Variants in CCDC102B observed in about 807,000 individuals in gnomAD.
The protein encoded by CCDC102B is coiled-coil domain containing 102B.
CCDC102B carries 75 observed loss-of-function variants against 57.4 expected under a neutral mutation model. That is an observed-to-expected ratio of 1.31 (90% CI 1.08 to 1.58). The LOEUF (loss-of-function observed/expected upper bound fraction) is 1.58. Ranked by LOEUF, CCDC102B falls within the 40% of genes most tolerant of loss-of-function variation. The pLI is 0.00. For missense variants in CCDC102B, 636 were observed against 582.6 expected, an observed-to-expected ratio of 1.09 and a Z score of -0.94; for synonymous variants, 206 against 201.9, an observed-to-expected ratio of 1.02 and a Z score of -0.17.
At chr18:68,804,905 A>G (rs962621675) in intron 1 of CCDC102B, among the ~76,000 whole-genome samples, 3 of 149,492 alleles carry the variant, frequency 2.0e-5, no homozygotes, top group Middle Eastern at 6.9e-3. Context: ...TAGCATGTGC[A>G]TTTGCTAATG....
intron 5 of CCDC102B, among the ~76,000 whole-genome samples, chr18:68,896,172 C>T (rs1049240920): frequency 3.9e-5 from 6 of 151,956 alleles, no homozygotes; most frequent in Non-Finnish European, 8.8e-5. Flanking sequence ...CTACTATTCA[C>T]TTCTACTTAC....
At chr18:69,036,908 C>A (rs556531647) in intron 7 of CCDC102B, among the ~76,000 whole-genome samples, 1 of 152,078 alleles carries the variant, frequency 6.6e-6, no homozygotes, top group African/African-American at 2.4e-5. Flanking sequence ...CAGTACACAT[C>A]CTCGATTGAA....
At chr18:68,803,235 G>T (rs75720362) in intron 1 of CCDC102B, among the ~76,000 whole-genome samples, 1 of 152,156 alleles carries the variant, frequency 6.6e-6, no homozygotes, top group African/African-American at 2.4e-5. Flanking sequence ...TGTCCATTTA[G>T]TAATAAATGT....
chr18:68,997,855 GT>G lies in CCDC102B; in HGVS notation c.1264-13071del, dbSNP rs908937255. ...TATCATTTATCATTTAATAATATGT[GT>G]TTTTTTTGGCATTTTCGCATTGCTG... On this transcript the variant is annotated intron_variant, in intron 6 of 7. Transcript: ENST00000360242. Among the ~76,000 whole-genome samples the G allele has an allele frequency of 4.7e-3, 448 of 94,454 alleles. 1 individual carries two copies. Among genetic ancestry groups the G allele is most frequent in the African/African-American group, 0.014 (414 of 30,576 alleles). 62.0% of individuals were successfully genotyped at this position (94,454 alleles called of 152,430 possible).
At chr18:68,998,583 C>A (rs1212903456) in intron 6 of CCDC102B, among the ~76,000 whole-genome samples, 3 of 21,856 alleles carry the variant, frequency 1.4e-4, no homozygotes, top group Non-Finnish European at 4.6e-4. Context: ...AGTCCGAGTA[C>A]CAAAACCCCC....
intron 2 of CCDC102B, among the ~76,000 whole-genome samples, chr18:68,736,598 A>G (rs1407719711): frequency 6.6e-6 from 1 of 152,126 alleles, no homozygotes; most frequent in Non-Finnish European, 1.5e-5. Context: ...TGTTTTCTTT[A>G]CATGTTTTTA....
intron 6 of CCDC102B, chr18:68,897,724 C>G: frequency 1.0e-6 from 1 of 979,628 alleles, no homozygotes; most frequent in Middle Eastern, 2.5e-4. Flanking sequence ...CTTATTAAAG[C>G]TTTGTCTCAG....
At chr18:68,775,861 C>A (rs185180172) in intron 2 of CCDC102B, among the ~76,000 whole-genome samples, 49 of 152,084 alleles carry the variant, frequency 3.2e-4, no homozygotes, top group African/African-American at 1.1e-3. Flanking sequence ...ACCATGTTGG[C>A]CAGGATGGTC....
intron 6 of CCDC102B, among the ~76,000 whole-genome samples, chr18:68,909,839 G>A (rs558026294): frequency 4.6e-4 from 70 of 152,236 alleles, no homozygotes; most frequent in African/African-American, 1.3e-3. Context: ...AAGTGCATCT[G>A]GACCTTAATA....
At chr18:68,857,174 T>A (rs1444252452) in intron 4 of CCDC102B, among the ~76,000 whole-genome samples, 2 of 50,032 alleles carry the variant, frequency 4.0e-5, no homozygotes, top group Non-Finnish European at 6.3e-5. Context: ...TTATATAATA[T>A]ATAAAAATAT....
At chr18:68,840,233 G>A (rs1330592539) in intron 3 of CCDC102B, among the ~76,000 whole-genome samples, 1 of 152,002 alleles carries the variant, frequency 6.6e-6, no homozygotes, top group African/African-American at 2.4e-5. Flanking sequence ...AGAAGGATAT[G>A]TATGCATATA....
rs368929816 is a variant in CCDC102B at position 68,911,327 on chromosome 18, C to T, written c.1263+13899C>T. Among the ~76,000 whole-genome samples, 235 of 152,180 alleles carry T rather than the reference C, an allele frequency of 1.5e-3. 1 individual carries two copies. Among genetic ancestry groups the T allele is most frequent in the Middle Eastern group, 6.8e-3 (2 of 294 alleles). On this transcript the variant is annotated intron_variant, in intron 6 of 7. Transcript: ENST00000360242. Reference sequence around the variant, plus strand: ...GAGGCTATTATCTTTAGCCAGCTAACGCAGGAACAGAAAACCAAATAAAGC... The same window carrying T: ...GAGGCTATTATCTTTAGCCAGCTAATGCAGGAACAGAAAACCAAATAAAGC...
chr18:68,848,842 T>G (rs2037991783), intron 4 of CCDC102B, among the ~76,000 whole-genome samples: 1 of 152,098 alleles, frequency 6.6e-6, no homozygotes. Flanking sequence ...ACTCTGATTC[T>G]TTCCATAATG....
rs2037754524 is a variant in CCDC102B at position 68,844,156 on chromosome 18, A to C, written c.828-2157A>C. ...AAGGAGGTAACTATTACTTTCTTTG[A>C]AAATTTTTGAATTTGAATTTATTTT... is the stretch of plus-strand genomic sequence containing the variant. On this transcript the variant is annotated intron_variant, in intron 3 of 7. Transcript: ENST00000360242. 3.3e-5 allele frequency among the ~76,000 whole-genome samples: 5 copies of C among 152,034 alleles called. No homozygotes were observed. The South Asian group carries it at 1.0e-3, about 32-fold the overall frequency.
At chr18:68,979,609 G>C (rs1164931526) in intron 6 of CCDC102B, among the ~76,000 whole-genome samples, 1 of 151,980 alleles carries the variant, frequency 6.6e-6, no homozygotes, top group African/African-American at 2.4e-5. Context: ...ATAAAGATAG[G>C]ATAAAATGCA....
intron 4 of CCDC102B, among the ~76,000 whole-genome samples, chr18:68,874,121 T>G (rs1362899546): frequency 6.6e-6 from 1 of 151,710 alleles, no homozygotes; most frequent in Non-Finnish European, 1.5e-5. Flanking sequence ...TATTGGCAGC[T>G]TTTATAGATG....
At chr18:68,749,346 A>T (rs1421668243) in intron 2 of CCDC102B, among the ~76,000 whole-genome samples, 1 of 151,920 alleles carries the variant, frequency 6.6e-6, no homozygotes, top group Non-Finnish European at 1.5e-5. Flanking sequence ...GATGGCATTG[A>T]ATCTATAAAT....
chr18:69,006,433 ATTTATTTT>A (rs2051347233), intron 6 of CCDC102B, among the ~76,000 whole-genome samples: 1 of 130,186 alleles, frequency 7.7e-6, no homozygotes, highest in Non-Finnish European at 1.7e-5. Context: ...TTATTTATTT[ATTTATTTT>A]GAGACTGAGT....
At chr18:68,716,035 TCA>T (rs776306554) in intron 1 of CCDC102B, among the ~76,000 whole-genome samples, 110 of 152,328 alleles carry the variant, frequency 7.2e-4, no homozygotes, top group Admixed American at 1.3e-3. Flanking sequence ...GCCCTAAATG[TCA>T]CCCCCTTTGT....
Sources: gnomAD v4.1 joint callset for allele counts (sites outside exome capture counted in the v4.1 genomes callset) on GRCh38, gnomAD v4.1.1 for gene constraint, MANE v1.5 for transcripts, NCBI Gene and HGNC (gene_info 2026-07-23, HGNC 2026-07-21) for gene names.